Variants in ZFYVE16 observed in about 807,000 individuals in gnomAD.
ZFYVE16 encodes the protein zinc finger FYVE domain-containing protein 16.
Under a neutral mutation model 138.1 loss-of-function variants are expected in ZFYVE16, and 89 were observed. The observed-to-expected ratio is 0.64, with a 90% CI of 0.54 to 0.77. The LOEUF (loss-of-function observed/expected upper bound fraction) is 0.77. ZFYVE16 is among the 30% of genes least tolerant of loss of function. The pLI is 0.00. For missense variants in ZFYVE16, 1,793 were observed against 1,786.7 expected, an observed-to-expected ratio of 1.00 and a Z score of -0.06; for synonymous variants, 596 against 618.3, an observed-to-expected ratio of 0.96 and a Z score of 0.53.
intron 1 of ZFYVE16, among the ~76,000 whole-genome samples, chr5:80,413,989 TAA>T (rs979509601): frequency 1.3e-5 from 2 of 152,230 alleles, no homozygotes; most frequent in African/African-American, 4.8e-5. Context: ...AGTTACATGT[TAA>T]CTTTTAGTTA....
At chr5:80,430,708 C>A (rs184510574) in intron 2 of ZFYVE16, among the ~76,000 whole-genome samples, 1 of 151,758 alleles carries the variant, frequency 6.6e-6, no homozygotes, top group Non-Finnish European at 1.5e-5. Context: ...TGATAAAGAA[C>A]AAAAGAGAGA....
chr5:80,482,868 CT>C lies in ZFYVE16; in HGVS notation c.*5504del, dbSNP rs529989760. 1.7e-3 allele frequency: 246 copies of C among 143,552 alleles called. No individual in the cohort carries two copies. The highest frequency in any genetic ancestry group is 0.014 in the Middle Eastern group (4 of 282). The allele number at this position is 143,552 out of a possible 1,614,324, so 8.9% of individuals were successfully genotyped here. On this transcript the variant is annotated 3_prime_UTR_variant, in exon 19 of 19. Coordinates refer to ENST00000505560, the MANE Select transcript of ZFYVE16 (RefSeq NM_001284236.3). ...AAAGACATTTTCTTTTTTTTCTTTACTTTTTTTTTTTTTATGAGATGGAGTC... is the reference window on the plus strand; with the variant it reads ...AAAGACATTTTCTTTTTTTTCTTTACTTTTTTTTTTTTATGAGATGGAGTC...
chr5:80,463,724 A>G (rs1292773445), intron 15 of ZFYVE16, among the ~76,000 whole-genome samples: 1 of 152,182 alleles, frequency 6.6e-6, no homozygotes, highest in African/African-American at 2.4e-5. Context: ...TTCCAGTTCC[A>G]AAGTATCTCT....
chr5:80,481,589 TAACTG>T lies in ZFYVE16; in HGVS notation c.*4215_*4219del, dbSNP rs1470282598. 6.6e-6 allele frequency among the ~76,000 whole-genome samples: 1 copy of T among 152,074 alleles called. No homozygotes were observed. Among genetic ancestry groups the T allele is most frequent in the Non-Finnish European group, 1.5e-5 (1 of 68,008 alleles). ...TGGCCAGGATGTGTGCTCTGAAACT[TAACTG>T]AATTGATGGTCTGCTAAAACAAAAC... is the stretch of plus-strand genomic sequence containing the variant. On this transcript the variant is annotated 3_prime_UTR_variant, in exon 19 of 19. Coordinates refer to ENST00000505560, the MANE Select transcript of ZFYVE16 (RefSeq NM_001284236.3).
At chr5:80,440,790 A>G (rs1032044125) in intron 5 of ZFYVE16, 1 of 984,516 alleles carries the variant, frequency 1.0e-6, no homozygotes, top group East Asian at 1.1e-4. Flanking sequence ...TTCCTAGCAA[A>G]TATTACTTGG....
chr5:80,418,282 C>A (rs1746552190), intron 1 of ZFYVE16, among the ~76,000 whole-genome samples: 1 of 145,436 alleles, frequency 6.9e-6, no homozygotes, highest in African/African-American at 2.6e-5. Flanking sequence ...CTTTCTTTTC[C>A]CTTCCCCTCC....
rs1417276800 is a variant in ZFYVE16 at position 80,477,626 on chromosome 5, T to G, written c.*249T>G. On this transcript the variant is annotated 3_prime_UTR_variant, in exon 19 of 19. Transcript: ENST00000505560. ...AGTACTAAAAAGACAAGGATTTCTT[T>G]TAAGAAATTTATAGCATTTACTGTG... The G allele has an allele frequency of 6.6e-6, 2 of 304,524 alleles. No individual in the cohort carries two copies. The highest frequency in any genetic ancestry group is 1.2e-5 in the Non-Finnish European group (2 of 170,046). 18.9% of individuals were successfully genotyped at this position (304,524 alleles called of 1,614,324 possible).
At position 80,437,786 on chromosome 5, in the gene ZFYVE16, C is replaced by T. The variant is rs900463770; in HGVS notation, c.1101C>T (p.Ser367=). 2 of 1,613,990 alleles carry T rather than the reference C, an allele frequency of 1.2e-6. No individual in the cohort carries two copies. The highest frequency in any genetic ancestry group is 3.3e-4 in the Middle Eastern group (2 of 6,062). ...ATTCCTCTTCAGCTTTACATGTTTCCAGTAAAGATGTGCCGTCCTCATTGT... is the reference window on the plus strand; with the variant it reads ...ATTCCTCTTCAGCTTTACATGTTTCTAGTAAAGATGTGCCGTCCTCATTGT... ...IQDSSSALHV[S]SKDVPSSLSC... Residue 367 remains serine (S), a synonymous_variant, in exon 4 of 19, where the codon TCC becomes TCT. Coordinates refer to ENST00000505560, the MANE Select transcript of ZFYVE16 (RefSeq NM_001284236.3).
intron 2 of ZFYVE16, among the ~76,000 whole-genome samples, chr5:80,431,956 C>T (rs1198561203): frequency 3.3e-5 from 5 of 152,164 alleles, no homozygotes; most frequent in Non-Finnish European, 7.4e-5. Flanking sequence ...AATGGAAGAA[C>T]ATTCCATGCT....
In ZFYVE16 at chr5:80,456,468, G is replaced by T. The variant is rs376948348; in HGVS notation, c.3698G>T (p.Arg1233Leu). The change falls in exon 13 of 19, where the codon CGA (arginine) becomes CTA (leucine). Residue 1233 changes from arginine to leucine, a missense_variant. Coordinates refer to ENST00000505560, the MANE Select transcript of ZFYVE16 (RefSeq NM_001284236.3). The part of the protein sequence containing the change: ...HTIMNLLVDL[R>L]NYQYTLHNID... ...TGCAATTATTCTATGTAGGACCTTCGAAATTACCAGTATACCTTGCATAAT... is the reference window on the plus strand; with the variant it reads ...TGCAATTATTCTATGTAGGACCTTCTAAATTACCAGTATACCTTGCATAAT... The T allele has an allele frequency of 6.2e-7, 1 of 1,610,552 alleles. No homozygotes were observed. The highest frequency in any genetic ancestry group is 2.2e-5 in the East Asian group (1 of 44,668).
In ZFYVE16 at chr5:80,438,204, G is replaced by A. The variant is rs951002531; in HGVS notation, c.1519G>A (p.Asp507Asn). The change falls in exon 4 of 19, where the codon GAT becomes AAT. Residue 507 changes from aspartate (D) to asparagine (N), a missense_variant. By Grantham distance (23) the Asp-to-Asn change is conservative. Around this residue, in one of 2 missense-constraint regions of ZFYVE16, gnomAD observed 1,295 missense variants for 1,204.3 expected, o/e 1.08. Coordinates refer to ENST00000505560, the MANE Select transcript of ZFYVE16 (RefSeq NM_001284236.3). Reference sequence around the variant, plus strand: ...TTTTATTAATACTTTTTCAAGCAATGATATGGATGGGCAAGACTTAGATTA... The same window carrying A: ...TTTTATTAATACTTTTTCAAGCAATAATATGGATGGGCAAGACTTAGATTA... Reference protein sequence around the residue: ...EGFINTFSSNDMDGQDLDYFN... With the variant: ...EGFINTFSSNNMDGQDLDYFN... 3.1e-6 allele frequency: 5 copies of A among 1,613,950 alleles called. No homozygotes were observed. Among genetic ancestry groups the A allele is most frequent in the Non-Finnish European group, 4.2e-6 (5 of 1,179,970 alleles).
At chr5:80,456,411 G>C (rs757837056) in intron 12 of ZFYVE16, 50 bp from the exon 13 acceptor site, 6 of 1,367,620 alleles carry the variant, frequency 4.4e-6, no homozygotes, top group Non-Finnish European at 5.1e-6. Flanking sequence ...TTAATGGATA[G>C]AAAAATACTC....
At chr5:80,422,896 T>TACATGGAACAA (rs1747441891) in intron 1 of ZFYVE16, among the ~76,000 whole-genome samples, 1 of 152,226 alleles carries the variant, frequency 6.6e-6, no homozygotes, top group African/African-American at 2.4e-5. Context: ...TGATGTATAA[T>TACATGGAACAA]TTTTCAATAC....
At chr5:80,470,097 GTGTA>G (rs1281822612) in intron 15 of ZFYVE16, among the ~76,000 whole-genome samples, 2 of 123,736 alleles carry the variant, frequency 1.6e-5, no homozygotes, top group African/African-American at 6.4e-5. Context: ...GTGTGTGTGT[GTGTA>G]TTTTTTTTTT....
rs141734751 is a variant in ZFYVE16, at chr5:80,477,309, G to A, written c.4552G>A (p.Gly1518Arg). The A allele has an allele frequency of 8.6e-5, 138 of 1,609,524 alleles. No individual in the cohort carries two copies. Among genetic ancestry groups the A allele is most frequent in the Middle Eastern group, 1.7e-4 (1 of 6,048 alleles). ...TGCTCTGATACCTGTGATCCATGGTGGGACCTCCAACTCTAGTTTACCATT... is the reference window on the plus strand; with the variant it reads ...TGCTCTGATACCTGTGATCCATGGTAGGACCTCCAACTCTAGTTTACCATT... ...DSALIPVIHG[G>R]TSNSSLPLEI... Residue 1518 changes from glycine (G) to arginine (R), a missense_variant, in exon 19 of 19, where the codon GGG (glycine) becomes AGG (arginine). Physicochemically the swap from Gly to Arg is moderately radical, Grantham distance 125 (BLOSUM62 -2). Around this residue, in one of 2 missense-constraint regions of ZFYVE16, gnomAD observed 498 missense variants for 582.4 expected, o/e 0.86. Transcript: ENST00000505560.
chr5:80,448,523 G>A (rs1366785504), intron 8 of ZFYVE16, 119 bp downstream of exon 8: 1 of 964,912 alleles, frequency 1.0e-6, no homozygotes, highest in African/African-American at 1.7e-5. Context: ...ACTAAGGCTG[G>A]TAACTTTTGT....
intron 1 of ZFYVE16, among the ~76,000 whole-genome samples, chr5:80,420,459 C>T (rs1468519442): frequency 1.3e-5 from 2 of 152,088 alleles, no homozygotes; most frequent in African/African-American, 2.4e-5. Flanking sequence ...CCCCACACCA[C>T]GACAGGCCCT....
Position 80,439,947 on chromosome 5 carries a change from T to C in ZFYVE16, c.2334T>C (p.Gly778=), listed in dbSNP as rs753191224. 13 of 1,607,618 alleles carry C rather than the reference T, an allele frequency of 8.1e-6. No homozygotes were observed. The African/African-American group carries it at 1.3e-4, about 17-fold the overall frequency. ...HCRACGKVFC[G]VCCNRKCKLQ... ...TTTATTCTTTATAGGTATTTTGTGG[T>C]GTCTGTTGTAATAGGAAGTGTAAAC... is the stretch of plus-strand genomic sequence containing the variant. The change falls in exon 5 of 19, where the codon GGT becomes GGC. Residue 778 remains glycine, a synonymous_variant. Coordinates refer to ENST00000505560, the MANE Select transcript of ZFYVE16 (RefSeq NM_001284236.3).
At chr5:80,429,590 C>T (rs1167139870) in intron 2 of ZFYVE16, among the ~76,000 whole-genome samples, 2 of 152,168 alleles carry the variant, frequency 1.3e-5, no homozygotes, top group Admixed American at 1.3e-4. Flanking sequence ...GGATCAAATT[C>T]ACACATAACA....
Sources: gnomAD v4.1 joint callset for allele counts (sites outside exome capture counted in the v4.1 genomes callset) on GRCh38, gnomAD v4.1.1 for gene constraint, gnomAD v4.1.1 regional missense constraint, MANE v1.5 for transcripts, NCBI Gene and HGNC (gene_info 2026-07-23, HGNC 2026-07-21) for gene names.